The following LARP1B variants were observed in gnomAD, a reference collection of about 807,000 sequenced individuals.
LARP1B encodes the protein la-related protein 1B.
Under a neutral mutation model 114.2 loss-of-function variants are expected in LARP1B, and 76 were observed. The observed-to-expected ratio is 0.67, with a 90% CI of 0.55 to 0.81. The LOEUF is 0.81. LARP1B is among the 30% of genes least tolerant of loss of function. The pLI, the probability that LARP1B is intolerant of heterozygous loss-of-function variation, is 0.00. For missense variants in LARP1B, 1,014 were observed against 1,075.8 expected (o/e 0.94, Z 0.80); for synonymous variants, 345 against 348.0 (o/e 0.99, Z 0.10).
chr4:128,072,082 C>T (rs1349548801), intron 1 of LARP1B, among the ~76,000 whole-genome samples: 1 of 151,656 alleles, frequency 6.6e-6, no homozygotes, highest in Non-Finnish European at 1.5e-5. Context: ...TCACTGCAAC[C>T]TCTACCTCCT....
intron 11 of LARP1B, among the ~76,000 whole-genome samples, chr4:128,136,905 C>T (rs1317281471): frequency 1.3e-5 from 2 of 152,060 alleles, no homozygotes. Flanking sequence ...CCTGGTCAAG[C>T]TAGTGATTAA....
At chr4:128,125,483 C>G (rs1310120625) in intron 11 of LARP1B, among the ~76,000 whole-genome samples, 1 of 152,258 alleles carries the variant, frequency 6.6e-6, no homozygotes, top group Non-Finnish European at 1.5e-5. Flanking sequence ...CGCAGTGGCT[C>G]ACGCCTGTAA....
chr4:128,133,976 C>T (rs755086314), intron 11 of LARP1B, among the ~76,000 whole-genome samples: 34 of 150,560 alleles, frequency 2.3e-4, no homozygotes, highest in Non-Finnish European at 3.2e-4. Context: ...GGATTACAGG[C>T]GTGGGCCACT....
intron 15 of LARP1B, among the ~76,000 whole-genome samples, chr4:128,192,624 T>C (rs150674943): frequency 5.4e-4 from 82 of 152,342 alleles, no homozygotes; most frequent in African/African-American, 1.9e-3. Flanking sequence ...ACTTGAGCTA[T>C]GGTTTTTACT....
At chr4:128,106,872 A>G (rs926511324) in intron 8 of LARP1B, among the ~76,000 whole-genome samples, 10 of 152,214 alleles carry the variant, frequency 6.6e-5, no homozygotes, top group Non-Finnish European at 1.3e-4. Context: ...ATTTGCTTCT[A>G]GCTGATTCAG....
At chr4:128,063,860 G>C (rs1251148476) in intron 1 of LARP1B, among the ~76,000 whole-genome samples, 1 of 152,176 alleles carries the variant, frequency 6.6e-6, no homozygotes, top group Non-Finnish European at 1.5e-5. Flanking sequence ...GCAAATGACA[G>C]CTGTTTACTT....
At chr4:128,083,255 T>C (rs1405094851) in intron 5 of LARP1B, among the ~76,000 whole-genome samples, 3 of 152,176 alleles carry the variant, frequency 2.0e-5, no homozygotes, top group African/African-American at 7.2e-5. Flanking sequence ...TTTCTCAATC[T>C]TTTCCCCACC....
At chr4:128,206,031 C>CTGTAA (rs1425768212) in intron 17 of LARP1B, among the ~76,000 whole-genome samples, 1 of 152,194 alleles carries the variant, frequency 6.6e-6, no homozygotes, top group Non-Finnish European at 1.5e-5. Context: ...TGACTCACAC[C>CTGTAA]TGTAATCCCA....
intron 15 of LARP1B, 102 bp downstream of exon 15, chr4:128,179,614 G>C: frequency 3.1e-6 from 2 of 644,892 alleles, no homozygotes; most frequent in Non-Finnish European, 5.1e-6. Context: ...TAATATGTTA[G>C]CAAATTATAG....
chr4:128,090,914 G>A, intron 5 of LARP1B, 87 bp from the exon 6 acceptor site: 1 of 976,974 alleles, frequency 1.0e-6, no homozygotes, highest in Non-Finnish European at 1.5e-6. Context: ...CAAAGTGGAA[G>A]AAGGTGGCTA....
chr4:128,086,568 A>G (rs1007997417), intron 5 of LARP1B, among the ~76,000 whole-genome samples: 1 of 152,014 alleles, frequency 6.6e-6, no homozygotes, highest in Non-Finnish European at 1.5e-5. Context: ...GGCCCAAGCG[A>G]TCTTCCAGCA....
chr4:128,216,892 C>T (rs926679710), downstream of LARP1B, among the ~76,000 whole-genome samples: 9 of 152,026 alleles, frequency 5.9e-5, no homozygotes, highest in South Asian at 2.1e-4. Flanking sequence ...ATTGATAGAC[C>T]GCTAGCAAGA....
intron 1 of LARP1B, 103 bp downstream of exon 1, chr4:128,061,504 C>T (rs1760084064): frequency 4.9e-6 from 1 of 205,266 alleles, no homozygotes; most frequent in Non-Finnish European, 8.5e-6. Context: ...GCGCTCCGTT[C>T]GGTGCGGGGA....
chr4:128,094,289 T>C (rs571440188), intron 7 of LARP1B, among the ~76,000 whole-genome samples: 1 of 152,228 alleles, frequency 6.6e-6, no homozygotes, highest in Admixed American at 6.5e-5. Context: ...CATTAAAATG[T>C]AAAGATCTTG....
intron 1 of LARP1B, among the ~76,000 whole-genome samples, chr4:128,066,404 T>TGCTGACCTCGTGATCC (rs1553984019): frequency 6.6e-6 from 1 of 151,684 alleles, no homozygotes; most frequent in Non-Finnish European, 1.5e-5. Context: ...GGTCTCGATC[T>TGCTGACCTCGTGATCC]GCTGACCTCG....
At chr4:128,197,483 C>T (rs1754587502) in intron 15 of LARP1B, among the ~76,000 whole-genome samples, 1 of 152,142 alleles carries the variant, frequency 6.6e-6, no homozygotes, top group African/African-American at 2.4e-5. Flanking sequence ...ATCACGAGGT[C>T]AAGAGATTGA....
rs1181629714 is a variant in LARP1B at position 128,179,896 on chromosome 4, G to A, written c.2003+384G>A. Among the ~76,000 whole-genome samples the A allele has an allele frequency of 3.3e-5, 5 of 152,072 alleles. No homozygotes were observed. In the East Asian group the frequency reaches 7.7e-4, roughly 23 times the overall value. On this transcript the variant is annotated intron_variant, in intron 15 of 19. Coordinates refer to ENST00000326639, the MANE Select transcript of LARP1B (RefSeq NM_018078.4). Reference sequence around the variant, plus strand: ...CAAACTGTATAAATAATATGGAAACGAAGCATTGTTATTTTGCTTTTTTCC... The same window carrying A: ...CAAACTGTATAAATAATATGGAAACAAAGCATTGTTATTTTGCTTTTTTCC...
intron 8 of LARP1B, among the ~76,000 whole-genome samples, chr4:128,103,027 T>C (rs2149745846): frequency 6.6e-6 from 1 of 152,282 alleles, no homozygotes; most frequent in Middle Eastern, 3.4e-3. Context: ...ATTCCGGCAT[T>C]GGTAGTTATT....
chr4:128,076,394 C>T (rs1018486183), intron 3 of LARP1B, among the ~76,000 whole-genome samples: 1 of 151,970 alleles, frequency 6.6e-6, no homozygotes, highest in Non-Finnish European at 1.5e-5. Context: ...AGTAGGTACT[C>T]TTTTTTTTCC....
Sources: gnomAD v4.1 joint callset for allele counts (sites outside exome capture counted in the v4.1 genomes callset) on GRCh38, gnomAD v4.1.1 for gene constraint, MANE v1.5 for transcripts, NCBI Gene and HGNC (gene_info 2026-07-23, HGNC 2026-07-21) for gene names.